The following PRKAG2 variants were observed in gnomAD, a reference collection of about 807,000 sequenced individuals.
PRKAG2 encodes protein kinase AMP-activated non-catalytic subunit gamma 2.
Under a neutral mutation model 69.6 loss-of-function variants are expected in PRKAG2, and 26 were observed. The ratio of observed to expected loss-of-function variants is 0.37; its 90% CI spans 0.27 to 0.52. The LOEUF (loss-of-function observed/expected upper bound fraction) is 0.52, where lower values mean the gene tolerates loss of function less well. Ranked by LOEUF, PRKAG2 falls within the 20% of genes least tolerant of loss-of-function variation. The pLI is 0.90. For synonymous variants in PRKAG2, 293 were observed against 285.0 expected (o/e 1.03, Z -0.28); for missense variants, 557 against 740.0 (o/e 0.75, Z 2.87).
Position 151,699,031 on chromosome 7 carries a change from G to A in PRKAG2, c.467-23394C>T, listed in dbSNP as rs12673708. Among the ~76,000 whole-genome samples the A allele has an allele frequency of 6.2e-3, 950 of 152,242 alleles. 3 individuals carry two copies. Among genetic ancestry groups the A allele is most frequent in the Middle Eastern group, 0.01 (3 of 294 alleles). ...AATGACTGATAGGCTCAAACGGGCC[G>A]TGGGAGGGTTTCAGGACAGGGTACA... is the stretch of plus-strand genomic sequence containing the variant. On this transcript the variant is annotated intron_variant, in intron 3 of 15. Coordinates refer to ENST00000287878, the MANE Select transcript of PRKAG2 (RefSeq NM_016203.4). This position sits in a 1 kb window ranked among gnomAD's most constrained non-coding sequence, Gnocchi z 4.5.
intron 1 of PRKAG2, among the ~76,000 whole-genome samples, chr7:151,840,621 A>C (rs1221474562): frequency 6.6e-6 from 1 of 152,206 alleles, no homozygotes; most frequent in Non-Finnish European, 1.5e-5. Context: ...TCACTGCCTC[A>C]GGAGCAAGAG....
intron 1 of PRKAG2, among the ~76,000 whole-genome samples, chr7:151,794,753 G>T (rs2077416341): frequency 6.6e-6 from 1 of 152,274 alleles, no homozygotes; most frequent in Non-Finnish European, 1.5e-5. Flanking sequence ...AAGCCAAGAT[G>T]ATTCATGACT....
intron 5 of PRKAG2, among the ~76,000 whole-genome samples, chr7:151,599,713 G>A (rs1392267908): frequency 6.6e-6 from 1 of 152,160 alleles, no homozygotes; most frequent in Admixed American, 6.5e-5. Flanking sequence ...CCTAATCTGA[G>A]AGGATGCACA....
intron 15 of PRKAG2, chr7:151,559,140 A>G (rs1162667452): frequency 1.0e-6 from 1 of 985,182 alleles, no homozygotes; most frequent in Non-Finnish European, 1.2e-6. Context: ...CTGGAAATTT[A>G]TATGAATTTA....
At chr7:151,687,845 G>T (rs577406470) in intron 3 of PRKAG2, among the ~76,000 whole-genome samples, 2 of 152,226 alleles carry the variant, frequency 1.3e-5, no homozygotes, top group African/African-American at 4.8e-5. Context: ...GCACACGGTC[G>T]CACCAGGCGA....
At chr7:151,804,044 G>C (rs2077977072) in intron 1 of PRKAG2, among the ~76,000 whole-genome samples, 1 of 152,128 alleles carries the variant, frequency 6.6e-6, no homozygotes, top group Non-Finnish European at 1.5e-5. Context: ...GTCCCCAGAG[G>C]AACCACTTTT....
chr7:151,628,605 G>C (rs936008411), intron 5 of PRKAG2, among the ~76,000 whole-genome samples: 1 of 152,044 alleles, frequency 6.6e-6, no homozygotes, highest in Non-Finnish European at 1.5e-5. Flanking sequence ...CCAGCTACTT[G>C]GGAGGCGGAA....
At chr7:151,652,739 G>A (rs996497476) in intron 4 of PRKAG2, among the ~76,000 whole-genome samples, 1 of 152,074 alleles carries the variant, frequency 6.6e-6, no homozygotes, top group African/African-American at 2.4e-5. Flanking sequence ...AGGCTCAAGT[G>A]GTCCTTCTCA....
At chr7:151,861,139 C>T (rs1199085464) in intron 1 of PRKAG2, among the ~76,000 whole-genome samples, 2 of 152,196 alleles carry the variant, frequency 1.3e-5, no homozygotes, top group Admixed American at 6.5e-5. Context: ...TGGCCTGTCT[C>T]AGTGTGAATA....
chr7:151,828,380 G>C lies in PRKAG2; in HGVS notation c.115-41839C>G, dbSNP rs11773373. Among the ~76,000 whole-genome samples, 1 of 152,100 alleles carries C rather than the reference G, an allele frequency of 6.6e-6. No individual in the cohort carries two copies. The highest frequency in any genetic ancestry group is 1.5e-5 in the Non-Finnish European group (1 of 67,998). On this transcript the variant is annotated intron_variant, in intron 1 of 15. Coordinates refer to ENST00000287878, the MANE Select transcript of PRKAG2 (RefSeq NM_016203.4). The surrounding 1 kb of genome is among the most constrained non-coding windows in gnomAD (Gnocchi z 4.6). ...ATTCATCTCTGCACAGTTCCTGATA[G>C]ACAGTGCATGCTCAGTAAATATTTG...
rs549965228 is a variant in PRKAG2 at position 151,696,005 on chromosome 7, G to C, written c.467-20368C>G. ...ACACCAGCTCTTCAGGGGTCCGAGG[G>C]GGCGGGCCTGATGCCGGCATAAGGT... On this transcript the variant is annotated intron_variant, in intron 3 of 15. Transcript: ENST00000287878. 2.0e-5 allele frequency among the ~76,000 whole-genome samples: 3 copies of C among 152,272 alleles called. No individual in the cohort carries two copies. The South Asian group carries it at 6.2e-4, about 32-fold the overall frequency.
At chr7:151,820,546 C>T (rs1200783961) in intron 1 of PRKAG2, among the ~76,000 whole-genome samples, 1 of 72,730 alleles carries the variant, frequency 1.4e-5, no homozygotes, top group Non-Finnish European at 2.8e-5. Context: ...CTCGGAACAC[C>T]GCTCCGTGGC....
intron 6 of PRKAG2, among the ~76,000 whole-genome samples, chr7:151,577,205 G>GA (rs954122805): frequency 1.5e-4 from 22 of 149,656 alleles, no homozygotes; most frequent in African/African-American, 3.7e-4. Context: ...CAAGGTTGAG[G>GA]AAAAAAAAAG....
At position 151,632,373 on chromosome 7, in the gene PRKAG2, G is replaced by T; in HGVS notation, c.685-235C>A. The T allele has an allele frequency of 2.1e-6, 1 of 480,960 alleles. No homozygotes were observed. Among genetic ancestry groups the T allele is most frequent in the Non-Finnish European group, 2.7e-6 (1 of 371,352 alleles). 29.8% of individuals were successfully genotyped at this position (480,960 alleles called of 1,614,324 possible). On this transcript the variant is annotated intron_variant, in intron 4 of 15. Transcript: ENST00000287878. This position sits in a 1 kb window ranked among gnomAD's most constrained non-coding sequence, Gnocchi z 4.2. Reference sequence around the variant, plus strand: ...GGCCGCGGCCCGCGTGCCCCTCCGCGAGTGGGACGCGCCGCTCCCCCCCGC... The same window carrying T: ...GGCCGCGGCCCGCGTGCCCCTCCGCTAGTGGGACGCGCCGCTCCCCCCCGC...
chr7:151,775,054 C>T (rs899734490), intron 3 of PRKAG2, among the ~76,000 whole-genome samples: 2 of 152,188 alleles, frequency 1.3e-5, no homozygotes, highest in African/African-American at 4.8e-5. Context: ...GAGGCTGCAT[C>T]GCCCTCCATG....
chr7:151,566,594 A>T, intron 11 of PRKAG2: 1 of 451,922 alleles, frequency 2.2e-6, no homozygotes. Flanking sequence ...GGTATAGTTG[A>T]TTCCATCCTC....
intron 5 of PRKAG2, among the ~76,000 whole-genome samples, chr7:151,621,677 ATCC>A (rs1407894619): frequency 5.9e-5 from 9 of 152,104 alleles, no homozygotes; most frequent in Non-Finnish European, 1.0e-4. Flanking sequence ...GGCTCAAGCA[ATCC>A]TCCTATCTCA....
chr7:151,747,269 T>G (rs1467250780), intron 3 of PRKAG2, among the ~76,000 whole-genome samples: 5 of 152,192 alleles, frequency 3.3e-5, no homozygotes, highest in Admixed American at 2.0e-4. Context: ...CTTGGTATCT[T>G]TTGAATAAGA....
intron 6 of PRKAG2, among the ~76,000 whole-genome samples, chr7:151,594,725 G>C (rs1814042208): frequency 6.6e-6 from 1 of 152,174 alleles, no homozygotes; most frequent in South Asian, 2.1e-4. Flanking sequence ...AGACAGGCCT[G>C]TGTTCAAAAC....
Sources: gnomAD v4.1 joint callset for allele counts (sites outside exome capture counted in the v4.1 genomes callset) on GRCh38, gnomAD v4.1.1 for gene constraint, Gnocchi (gnomAD v3.1) non-coding constraint, MANE v1.5 for transcripts, NCBI Gene and HGNC (gene_info 2026-07-23, HGNC 2026-07-21) for gene names.